The following PRPF18 variants were observed in gnomAD, a reference collection of about 807,000 sequenced individuals.
PRPF18 encodes the protein pre-mRNA-splicing factor 18.
In PRPF18, 38 loss-of-function variants were observed where a neutral mutation model predicts 46.5. The ratio of observed to expected loss-of-function variants is 0.82; its 90% CI spans 0.63 to 1.07. The LOEUF (loss-of-function observed/expected upper bound fraction) is 1.07. Ranked by LOEUF, PRPF18 falls within the 50% of genes least tolerant of loss-of-function variation. The pLI is 0.00. For missense variants in PRPF18, 263 were observed against 410.0 expected (o/e 0.64, Z 3.10); for synonymous variants, 152 against 146.7 (o/e 1.04, Z -0.26).
chr10:13,640,462 C>T, the PRPF18 span: 1 of 152,224 alleles, frequency 6.6e-6, no homozygotes, highest in African/African-American at 2.4e-5. Flanking sequence ...CTCAATACAA[C>T]ATAGGGATCC....
chr10:13,588,655 T>G (rs2079913123), intron 1 of PRPF18, among the ~76,000 whole-genome samples: 1 of 152,018 alleles, frequency 6.6e-6, no homozygotes, highest in African/African-American at 2.4e-5. Context: ...CTCCTCCTTC[T>G]CTCTTCTTCA....
chr10:13,587,742 G>A (rs1282048743), intron 1 of PRPF18, among the ~76,000 whole-genome samples: 2 of 152,238 alleles, frequency 1.3e-5, no homozygotes, highest in African/African-American at 2.4e-5. Flanking sequence ...GGGGCCTCGA[G>A]CCGCTTGCTC....
chr10:13,591,891 A>G (rs767412840), intron 1 of PRPF18: 1 of 1,420,108 alleles, frequency 7.0e-7, no homozygotes, highest in South Asian at 1.1e-5. Context: ...TCCCCGGGGT[A>G]ATGCTGGTTC....
chr10:13,605,027 G>A (rs928918826), intron 3 of PRPF18, among the ~76,000 whole-genome samples: 49 of 152,278 alleles, frequency 3.2e-4, no homozygotes, highest in Non-Finnish European at 1.9e-4. Context: ...AGAGTCATAG[G>A]TCAGACCACT....
chr10:13,633,189 A>T (rs1478576638), downstream of PRPF18, among the ~76,000 whole-genome samples: 1 of 152,206 alleles, frequency 6.6e-6, no homozygotes, highest in Non-Finnish European at 1.5e-5. Flanking sequence ...CGAATCTCGT[A>T]GGAGGAAGGG....
At chr10:13,612,898 CTAGA>C (rs1361890811) in intron 6 of PRPF18, among the ~76,000 whole-genome samples, 2 of 151,986 alleles carry the variant, frequency 1.3e-5, no homozygotes, top group Non-Finnish European at 2.9e-5. Flanking sequence ...CTTTAGTGGT[CTAGA>C]TAGAGTATGA....
At chr10:13,635,436 G>T (rs1285969949), downstream of PRPF18, among the ~76,000 whole-genome samples, 1 of 152,164 alleles carries the variant, frequency 6.6e-6, no homozygotes, top group Admixed American at 6.5e-5. Flanking sequence ...GGATTGAATG[G>T]TATTACTGTC....
intron 9 of PRPF18, among the ~76,000 whole-genome samples, chr10:13,629,404 A>T (rs771982445): frequency 2.6e-5 from 4 of 152,236 alleles, no homozygotes; most frequent in Non-Finnish European, 4.4e-5. Context: ...GAATACATGT[A>T]AAACACAAGT....
chr10:13,648,849 C>T, the PRPF18 span: 1 of 152,120 alleles, frequency 6.6e-6, no homozygotes, highest in South Asian at 2.1e-4. Context: ...TAAAACTTCC[C>T]TAAGGGGTTT....
chr10:13,627,115 C>A (rs1370972351), intron 9 of PRPF18, among the ~76,000 whole-genome samples: 2 of 152,184 alleles, frequency 1.3e-5, no homozygotes, highest in Admixed American at 1.3e-4. Flanking sequence ...CTCTGTTGTT[C>A]AGAACCCTGC....
At chr10:13,645,226 G>A in the PRPF18 span, 2 of 152,134 alleles carry the variant, frequency 1.3e-5, no homozygotes, top group Non-Finnish European at 2.9e-5. Flanking sequence ...GAAAAGCGAA[G>A]ATTTTTCTTT....
At chr10:13,640,849 TAAGCATCC>T in the PRPF18 span, 2 of 152,590 alleles carry the variant, frequency 1.3e-5, no homozygotes, top group Admixed American at 1.3e-4. Context: ...ATTCACAATC[TAAGCATCC>T]AATGTCAGCT....
intron 9 of PRPF18, among the ~76,000 whole-genome samples, chr10:13,627,422 A>G (rs1477692013): frequency 2.0e-5 from 3 of 152,200 alleles, no homozygotes; most frequent in Non-Finnish European, 4.4e-5. Flanking sequence ...TAAAAAGCCA[A>G]TTAAAAATAC....
the PRPF18 span, chr10:13,644,726 G>C: frequency 6.6e-6 from 1 of 151,932 alleles, no homozygotes; most frequent in African/African-American, 2.4e-5. Context: ...AGTTCAGTCT[G>C]ACTATCCATG....
chr10:13,590,451 A>AT lies in PRPF18; in HGVS notation c.66+3299_66+3300insT, dbSNP rs1315666178. On this transcript the variant is annotated intron_variant, in intron 1 of 9. Coordinates refer to ENST00000378572, the MANE Select transcript of PRPF18 (RefSeq NM_003675.4). ...TCTCTACTGAAAATACAAAAAAAAA[A>AT]AATATATATATATATATATATTAGC... Among the ~76,000 whole-genome samples the AT allele has an allele frequency of 4.8e-4, 66 of 136,870 alleles. 1 individual carries two copies. The highest frequency in any genetic ancestry group is 2.9e-3 in the South Asian group (12 of 4,118). The allele number at this position is 136,870 out of a possible 152,430, so 89.8% of individuals were successfully genotyped here. A position where few individuals can be genotyped will look rare whatever the true frequency, so the allele number is the denominator to read the frequency against.
chr10:13,630,123 G>A (rs2080574580), intron 9 of PRPF18, 137 bp from the exon 10 acceptor site: 1 of 660,782 alleles, frequency 1.5e-6, no homozygotes, highest in Non-Finnish European at 2.7e-6. Flanking sequence ...ATTTCTCTAG[G>A]CATACATCTG....
intron 1 of PRPF18, among the ~76,000 whole-genome samples, chr10:13,588,099 A>G (rs867934808): frequency 2.0e-5 from 3 of 152,044 alleles, no homozygotes; most frequent in Non-Finnish European, 4.4e-5. Flanking sequence ...TCGCCTTACG[A>G]AGGGTTTGTG....
chr10:13,592,387 CAGT>C, intron 1 of PRPF18: 1 of 240,844 alleles, frequency 4.2e-6, no homozygotes, highest in South Asian at 6.4e-5. Context: ...GGTCAGGGAT[CAGT>C]AGATTGTTGT....
chr10:13,633,955 C>T (rs1259260406), downstream of PRPF18, among the ~76,000 whole-genome samples: 1 of 152,168 alleles, frequency 6.6e-6, no homozygotes. Flanking sequence ...CTCTGCAGTT[C>T]CATTGGCTGA....
Sources: gnomAD v4.1 joint callset for allele counts (sites outside exome capture counted in the v4.1 genomes callset) on GRCh38, gnomAD v4.1.1 for gene constraint, MANE v1.5 for transcripts, NCBI Gene and HGNC (gene_info 2026-07-23, HGNC 2026-07-21) for gene names.